The following RHOH variants were observed in gnomAD, a reference collection of about 807,000 sequenced individuals.
The protein encoded by RHOH is ras homolog family member H.
Under a neutral mutation model 13.8 loss-of-function variants are expected in RHOH, and 6 were observed. The ratio of observed to expected loss-of-function variants is 0.44; its 90% CI spans 0.24 to 0.86. The LOEUF (loss-of-function observed/expected upper bound fraction) is 0.86, where lower values mean the gene tolerates loss of function less well. RHOH is among the 40% of genes least tolerant of loss of function. The pLI is 0.24. For synonymous variants in RHOH, 117 were observed against 103.0 expected (o/e 1.14, Z -0.82); for missense variants, 147 against 244.5 (o/e 0.60, Z 2.66).
intron 1 of RHOH, among the ~76,000 whole-genome samples, chr4:40,237,219 G>A (rs1439379499): frequency 6.6e-6 from 1 of 152,108 alleles, no homozygotes; most frequent in African/African-American, 2.4e-5. Context: ...TTGGGAGGCC[G>A]AGGTGGGTGG....
intron 1 of RHOH, among the ~76,000 whole-genome samples, 183 bp downstream of exon 1, chr4:40,197,483 C>G (rs1481259288): frequency 1.2e-4 from 19 of 152,126 alleles, no homozygotes; most frequent in Admixed American, 1.2e-3. Flanking sequence ...TTCACTGCCC[C>G]TCACCACAGT....
chr4:40,234,064 T>G (rs111322015), intron 1 of RHOH, among the ~76,000 whole-genome samples: 10 of 152,364 alleles, frequency 6.6e-5, no homozygotes, highest in Admixed American at 2.6e-4. Flanking sequence ...AACCTTACTT[T>G]ATAGCATCGT....
chr4:40,243,704 G>A lies in RHOH; in HGVS notation c.318G>A (p.Leu106=). 6.2e-7 allele frequency: 1 copy of A among 1,614,176 alleles called. No homozygotes were observed. Among genetic ancestry groups the A allele is most frequent in the Non-Finnish European group, 8.5e-7 (1 of 1,180,036 alleles). Residue 106 remains leucine (L), a synonymous_variant, in exon 3 of 3, where the codon TTG becomes TTA. Coordinates refer to ENST00000381799, the MANE Select transcript of RHOH (RefSeq NM_004310.5). The surrounding 1 kb of genome is among the most constrained non-coding windows in gnomAD (Gnocchi z 6.2). ...GGATTGGTGAAATTAGGAGCAACTT[G>A]CCCTGTACCCCTGTGCTGGTGGTGG... ...NKWIGEIRSN[L]PCTPVLVVAT... is the part of the protein sequence containing the mutation.
chr4:40,222,401 G>A (rs1485245325), intron 1 of RHOH, among the ~76,000 whole-genome samples: 2 of 152,216 alleles, frequency 1.3e-5, no homozygotes, highest in African/African-American at 4.8e-5. Flanking sequence ...AATGCAGCTG[G>A]TTGCTTTAAG....
At chr4:40,216,007 C>T (rs1725830556) in intron 1 of RHOH, among the ~76,000 whole-genome samples, 2 of 152,126 alleles carry the variant, frequency 1.3e-5, no homozygotes, top group South Asian at 4.1e-4. Context: ...CTTCTGTCAT[C>T]CTTGCCCCAT....
intron 1 of RHOH, among the ~76,000 whole-genome samples, chr4:40,208,052 G>A (rs565379348): frequency 2.0e-5 from 3 of 151,754 alleles, no homozygotes; most frequent in East Asian, 1.9e-4. Flanking sequence ...TTCAGCCTAC[G>A]TTTATATCTA....
intron 1 of RHOH, among the ~76,000 whole-genome samples, chr4:40,230,650 C>T (rs780454051): frequency 1.1e-4 from 17 of 152,070 alleles, no homozygotes; most frequent in East Asian, 1.9e-4. Context: ...TGAGCCACCG[C>T]GCCTGGCTCT....
chr4:40,212,722 G>C (rs188293648), intron 1 of RHOH: 1 of 152,360 alleles, frequency 6.6e-6, no homozygotes, highest in Admixed American at 6.5e-5. Flanking sequence ...TCCAAGGATG[G>C]AAGATATATT....
chr4:40,241,005 AAG>A (rs1191103599), intron 1 of RHOH, among the ~76,000 whole-genome samples: 4 of 152,056 alleles, frequency 2.6e-5, no homozygotes, highest in African/African-American at 7.2e-5. Context: ...TATAAAAAAT[AAG>A]ATAATTAAAT....
chr4:40,206,146 C>G (rs965268001), intron 1 of RHOH, among the ~76,000 whole-genome samples: 2 of 152,224 alleles, frequency 1.3e-5, no homozygotes, highest in African/African-American at 4.8e-5. Context: ...GTCTAGCAAC[C>G]TAGTTGCCCA....
chr4:40,198,484 G>C (rs1438875322), intron 1 of RHOH, among the ~76,000 whole-genome samples: 1 of 152,206 alleles, frequency 6.6e-6, no homozygotes, highest in Non-Finnish European at 1.5e-5. Context: ...TCTGCCCTGC[G>C]GCTGCGCTTC....
chr4:40,241,904 G>GA (rs1303018251), intron 1 of RHOH, among the ~76,000 whole-genome samples: 3 of 151,954 alleles, frequency 2.0e-5, no homozygotes, highest in African/African-American at 7.3e-5. Flanking sequence ...AAAAGAAAAA[G>GA]AAAAAATAAA....
chr4:40,193,107 C>A (rs1722774541), upstream of RHOH: 1 of 152,372 alleles, frequency 6.6e-6, no homozygotes, highest in African/African-American at 2.4e-5. Flanking sequence ...CTGAAGTGAA[C>A]ACTGCAGGGC....
At position 40,237,470 on chromosome 4, in the gene RHOH, A is replaced by AG. The variant is rs1728728194; in HGVS notation, c.-330-5243dup. On this transcript the variant is annotated intron_variant, in intron 1 of 2. Coordinates refer to ENST00000381799, the MANE Select transcript of RHOH (RefSeq NM_004310.5). ...ACTCCGTCTCAAAAAAAAAAAAAAA[A>AG]GAACAAAGCACTCAGCCCCACTTCC... Among the ~76,000 whole-genome samples, 3 of 150,962 alleles carry AG rather than the reference A, an allele frequency of 2.0e-5. No individual in the cohort carries two copies. In the South Asian group the frequency reaches 6.3e-4, roughly 32 times the overall value.
Position 40,243,769 on chromosome 4 carries a change from C to A in RHOH, c.383C>A (p.Ala128Asp). The part of the protein sequence containing the change: ...TDQREMGPHR[A>D]SCVNAMEGKK... ...CAGCGGGAGATGGGGCCCCACAGGG[C>A]CTCCTGCGTCAATGCCATGGAAGGG... The change falls in exon 3 of 3, where the codon GCC becomes GAC. Residue 128 changes from alanine (A) to aspartate (D), a missense_variant. Around this residue, in one of 3 missense-constraint regions of RHOH, gnomAD observed 36 missense variants for 30.7 expected, o/e 1.17. Coordinates refer to ENST00000381799, the MANE Select transcript of RHOH (RefSeq NM_004310.5). This position sits in a 1 kb window ranked among gnomAD's most constrained non-coding sequence, Gnocchi z 6.2. 6.2e-7 allele frequency: 1 copy of A among 1,614,054 alleles called. No homozygotes were observed. Among genetic ancestry groups the A allele is most frequent in the Non-Finnish European group, 8.5e-7 (1 of 1,180,014 alleles).
chr4:40,234,869 T>C (rs1728370208), intron 1 of RHOH, among the ~76,000 whole-genome samples: 1 of 149,776 alleles, frequency 6.7e-6, no homozygotes, highest in East Asian at 2.0e-4. Context: ...GGATTACAAA[T>C]GTGAGCCACT....
chr4:40,228,949 G>A (rs115171635), intron 1 of RHOH, among the ~76,000 whole-genome samples: 1,736 of 152,266 alleles, frequency 0.011, 23 homozygotes, highest in African/African-American at 0.039. Flanking sequence ...AGGGAGGGCC[G>A]AGGGAAGTTA....
chr4:40,208,090 C>T (rs773331046), intron 1 of RHOH, among the ~76,000 whole-genome samples: 2 of 151,836 alleles, frequency 1.3e-5, no homozygotes, highest in Admixed American at 1.3e-4. Context: ...GACCGATCAA[C>T]CTTAAAAAGT....
chr4:40,239,335 T>TA lies in RHOH; in HGVS notation c.-330-3378dup, dbSNP rs1370199655. On this transcript the variant is annotated intron_variant, in intron 1 of 2. Transcript: ENST00000381799. ...AGACTTTTTCTCCTTTCTGACTCTCTAGGTAGCAAAGCTTAGACAGGAGTC... is the reference window on the plus strand; with the variant it reads ...AGACTTTTTCTCCTTTCTGACTCTCTAAGGTAGCAAAGCTTAGACAGGAGTC... Among the ~76,000 whole-genome samples the TA allele has an allele frequency of 3.3e-5, 5 of 152,292 alleles. No homozygotes were observed. The East Asian group carries it at 9.7e-4, about 29-fold the overall frequency.
Sources: gnomAD v4.1 joint callset for allele counts (sites outside exome capture counted in the v4.1 genomes callset) on GRCh38, gnomAD v4.1.1 for gene constraint, gnomAD v4.1.1 regional missense constraint, Gnocchi (gnomAD v3.1) non-coding constraint, MANE v1.5 for transcripts, NCBI Gene and HGNC (gene_info 2026-07-23, HGNC 2026-07-21) for gene names.